PLXNA2: variants seen among roughly 807,000 people sequenced by gnomAD.
The protein encoded by PLXNA2 is plexin-A2.
A neutral mutation model predicts 193.5 loss-of-function variants in PLXNA2; 91 were observed. The ratio of observed to expected loss-of-function variants is 0.47; its 90% CI spans 0.40 to 0.56. The LOEUF (loss-of-function observed/expected upper bound fraction) is 0.56. PLXNA2 is among the 20% of genes least tolerant of loss of function. PLXNA2 has a pLI of 0.00. For missense variants in PLXNA2, 1,995 were observed against 2,503.2 expected (o/e 0.80, Z 4.33); for synonymous variants, 997 against 1,027.3 (o/e 0.97, Z 0.56).
In PLXNA2 at chr1:208,025,620, G is replaced by C. The variant is rs1039390168; in HGVS notation, c.*1623C>G. 4 of 152,218 alleles carry C rather than the reference G, an allele frequency of 2.6e-5. No homozygotes were observed. The highest frequency in any genetic ancestry group is 9.7e-5 in the African/African-American group (4 of 41,426). 9.4% of individuals were successfully genotyped at this position (152,218 alleles called of 1,614,324 possible). On this transcript the variant is annotated 3_prime_UTR_variant, in exon 32 of 32. Coordinates refer to ENST00000367033, the MANE Select transcript of PLXNA2 (RefSeq NM_025179.4). ...TGCTCGGATCCAAGGTAATGTGGGA[G>C]GCCTGGACACTCTGATGGCTATCCT...
At chr1:208,086,751 G>T (rs1666532951) in intron 9 of PLXNA2, among the ~76,000 whole-genome samples, 1 of 141,152 alleles carries the variant, frequency 7.1e-6, no homozygotes, top group Non-Finnish European at 1.5e-5. Flanking sequence ...TTCATTCCCT[G>T]CAGGCACTCT....
intron 12 of PLXNA2, among the ~76,000 whole-genome samples, chr1:208,070,192 CT>C: frequency 6.6e-6 from 1 of 152,370 alleles, no homozygotes; most frequent in East Asian, 1.9e-4. Context: ...TTCTTCCCAT[CT>C]CTGCAGCAGG....
chr1:208,107,682 C>G (rs1365490322), intron 4 of PLXNA2, among the ~76,000 whole-genome samples: 2 of 152,114 alleles, frequency 1.3e-5, no homozygotes, highest in Non-Finnish European at 2.9e-5. Context: ...CAGAGTTTAA[C>G]GGGACACTCT....
At chr1:208,181,040 C>T (rs147576398) in intron 3 of PLXNA2, among the ~76,000 whole-genome samples, 1 of 152,364 alleles carries the variant, frequency 6.6e-6, no homozygotes, top group Non-Finnish European at 1.5e-5. Context: ...TGTCCAGGCT[C>T]TGAGCCTGTG....
intron 17 of PLXNA2, among the ~76,000 whole-genome samples, chr1:208,047,952 G>A (rs1226166583): frequency 6.6e-6 from 1 of 152,152 alleles, no homozygotes; most frequent in Non-Finnish European, 1.5e-5. Context: ...CCCCTTTCAT[G>A]TTCCAGCAGG....
chr1:208,218,098 T>G, intron 1 of PLXNA2, 96 bp from the exon 2 acceptor site: 1 of 1,014,638 alleles, frequency 9.9e-7, no homozygotes, highest in Non-Finnish European at 1.4e-6. Flanking sequence ...GGTTTAGCTC[T>G]GTGAGTCTCC....
chr1:208,221,669 G>A (rs1671342398), intron 1 of PLXNA2, among the ~76,000 whole-genome samples: 1 of 152,118 alleles, frequency 6.6e-6, no homozygotes, highest in Non-Finnish European at 1.5e-5. Context: ...GGCACGTTGA[G>A]AGCCTTCATC....
At chr1:208,108,254 T>C (rs1163073709) in intron 4 of PLXNA2, among the ~76,000 whole-genome samples, 1 of 152,032 alleles carries the variant, frequency 6.6e-6, no homozygotes, top group Non-Finnish European at 1.5e-5. Context: ...TGGGGACAAG[T>C]CACTGAGGGA....
intron 1 of PLXNA2, among the ~76,000 whole-genome samples, chr1:208,220,994 C>T (rs762170063): frequency 1.3e-5 from 2 of 152,116 alleles, no homozygotes; most frequent in African/African-American, 2.4e-5. Flanking sequence ...ATAGCCTCTC[C>T]GCAGACTGCA....
chr1:208,029,035 G>C lies in PLXNA2; in HGVS notation c.5233C>G (p.Leu1745Val). ...RHTWKSNCLP[L>V]RFWVNVIKNP... is the part of the protein sequence containing the mutation. ...TTAATCACGTTCACCCAGAAGCGCA[G>C]AGGGAGGCTGTGGGGAAAGGCAGAG... is the stretch of plus-strand genomic sequence containing the variant. The change falls in exon 30 of 32, where the codon CTG (leucine) becomes GTG (valine). Residue 1745 changes from leucine to valine, a missense_variant. Coordinates refer to ENST00000367033, the MANE Select transcript of PLXNA2 (RefSeq NM_025179.4). 2 of 1,614,170 alleles carry C rather than the reference G, an allele frequency of 1.2e-6. No homozygotes were observed. Among genetic ancestry groups the C allele is most frequent in the Non-Finnish European group, 1.7e-6 (2 of 1,180,006 alleles).
At chr1:208,050,855 G>T (rs570224006) in intron 17 of PLXNA2, among the ~76,000 whole-genome samples, 154 bp downstream of exon 17, 1 of 152,050 alleles carries the variant, frequency 6.6e-6, no homozygotes, top group Non-Finnish European at 1.5e-5. Context: ...TAAGGTTTAG[G>T]TATTTGGACC....
chr1:208,234,936 T>G (rs949468785), intron 1 of PLXNA2, among the ~76,000 whole-genome samples: 2 of 152,174 alleles, frequency 1.3e-5, no homozygotes, highest in African/African-American at 4.8e-5. Flanking sequence ...TCACATCCAC[T>G]ATGTGGGCCT....
At chr1:208,162,425 C>T (rs1669160703) in intron 3 of PLXNA2, among the ~76,000 whole-genome samples, 1 of 152,210 alleles carries the variant, frequency 6.6e-6, no homozygotes, top group African/African-American at 2.4e-5. Flanking sequence ...GCAAGTCCTT[C>T]AGTTTATTGG....
At chr1:208,046,987 G>A (rs935220010) in intron 17 of PLXNA2, among the ~76,000 whole-genome samples, 2 of 152,126 alleles carry the variant, frequency 1.3e-5, no homozygotes, top group Non-Finnish European at 2.9e-5. Context: ...TTGAGATGGA[G>A]TCTTGTTCTG....
At chr1:208,029,319 A>G (rs1298802843) in intron 29 of PLXNA2, 1 of 1,253,556 alleles carries the variant, frequency 8.0e-7, no homozygotes, top group Non-Finnish European at 1.0e-6. Context: ...CTTCTGGGAG[A>G]CTTTTCTAAA....
intron 3 of PLXNA2, among the ~76,000 whole-genome samples, chr1:208,143,535 T>G (rs181358611): frequency 6.6e-6 from 1 of 152,346 alleles, no homozygotes; most frequent in Non-Finnish European, 1.5e-5. Context: ...AAGGAGCCCT[T>G]GGTCTGAATG....
rs1245552292 is a variant in PLXNA2, at chr1:208,022,608, T to A, written c.*4635A>T. 3 of 152,646 alleles carry A rather than the reference T, an allele frequency of 2.0e-5. No individual in the cohort carries two copies. The highest frequency in any genetic ancestry group is 6.5e-5 in the Admixed American group (1 of 15,280). The allele number at this position is 152,646 out of a possible 1,614,324, so 9.5% of individuals were successfully genotyped here. ...CATGGGATAGAGAGCTTGTCCCTTC[T>A]GCCCTTACACACGCAAGAATATCTG... On this transcript the variant is annotated 3_prime_UTR_variant, in exon 32 of 32. Transcript: ENST00000367033.
chr1:208,227,529 C>T (rs886657946), intron 1 of PLXNA2, among the ~76,000 whole-genome samples: 4 of 152,182 alleles, frequency 2.6e-5, no homozygotes, highest in African/African-American at 9.7e-5. Context: ...TCTGGGAGAA[C>T]TCACCAGAAT....
chr1:208,225,575 A>C (rs1394158140), intron 1 of PLXNA2, among the ~76,000 whole-genome samples: 1 of 152,172 alleles, frequency 6.6e-6, no homozygotes, highest in African/African-American at 2.4e-5. Context: ...GGCCTCCCAA[A>C]ATGCTGGGAT....
Sources: allele counts gnomAD v4.1 joint callset (sites outside exome capture counted in the v4.1 genomes callset), GRCh38; gene constraint gnomAD v4.1.1; transcripts MANE v1.5; gene names NCBI Gene and HGNC (gene_info 2026-07-23, HGNC 2026-07-21).